Variants in UST observed in about 807,000 individuals in gnomAD.
UST encodes uronyl 2-sulfotransferase.
Under a neutral mutation model 45.6 loss-of-function variants are expected in UST, and 21 were observed. The ratio of observed to expected loss-of-function variants is 0.46; its 90% CI spans 0.33 to 0.66. The LOEUF is 0.66. UST is among the 30% of genes least tolerant of loss of function. The probability of loss-of-function intolerance (pLI) is 0.02; values close to 1 mark genes in which losing one functional copy is unlikely to be tolerated. For missense variants in UST, 463 were observed against 512.4 expected (o/e 0.90, Z 0.93); for synonymous variants, 215 against 200.6 (o/e 1.07, Z -0.61).
At position 149,003,564 on chromosome 6, in the gene UST, T is replaced by C. The variant is rs747281316; in HGVS notation, c.682-15575T>C. 1.6e-4 allele frequency among the ~76,000 whole-genome samples: 25 copies of C among 152,308 alleles called. No homozygotes were observed. The Middle Eastern group carries it at 0.01, about 62-fold the overall frequency. On this transcript the variant is annotated intron_variant, in intron 5 of 7. Transcript: ENST00000367463. Reference sequence around the variant, plus strand: ...GACATCATAGACAGAAGGAAAATGATTGTTAGCCAAAAACACTATAATGGT... The same window carrying C: ...GACATCATAGACAGAAGGAAAATGACTGTTAGCCAAAAACACTATAATGGT...
At chr6:148,936,438 A>ACT (rs1780027743) in intron 2 of UST, among the ~76,000 whole-genome samples, 1 of 152,064 alleles carries the variant, frequency 6.6e-6, no homozygotes, top group Non-Finnish European at 1.5e-5. Context: ...GATAATTTAC[A>ACT]CTCTTAGAGA....
intron 2 of UST, among the ~76,000 whole-genome samples, chr6:148,889,359 G>A (rs1778970229): frequency 6.6e-6 from 1 of 152,202 alleles, no homozygotes. Context: ...ATTTATTAAT[G>A]TAATGATGAC....
chr6:148,899,252 A>C (rs1779201404), intron 2 of UST, among the ~76,000 whole-genome samples: 1 of 152,006 alleles, frequency 6.6e-6, no homozygotes, highest in Non-Finnish European at 1.5e-5. Flanking sequence ...GGCACCCGCC[A>C]CTACGCCCAG....
chr6:148,855,253 T>C (rs961752311), intron 1 of UST, among the ~76,000 whole-genome samples: 10 of 152,164 alleles, frequency 6.6e-5, no homozygotes, highest in African/African-American at 2.2e-4. Flanking sequence ...TCTTTCCTGG[T>C]TTTTACCCAG....
intron 1 of UST, among the ~76,000 whole-genome samples, chr6:148,875,316 A>G (rs979153174): frequency 2.6e-5 from 4 of 152,254 alleles, no homozygotes; most frequent in Non-Finnish European, 2.9e-5. Context: ...GTTCATTTGC[A>G]TATTGTTAAG....
At chr6:149,017,161 A>C (rs1017635852) in intron 5 of UST, among the ~76,000 whole-genome samples, 36 of 152,330 alleles carry the variant, frequency 2.4e-4, no homozygotes, top group African/African-American at 8.4e-4. Context: ...GCGGATCATG[A>C]GGTCAGGAGA....
chr6:148,847,207 G>C (rs1778007392), intron 1 of UST, among the ~76,000 whole-genome samples: 1 of 152,210 alleles, frequency 6.6e-6, no homozygotes, highest in Non-Finnish European at 1.5e-5. Flanking sequence ...ATTATCTCCA[G>C]GTTCCTGTGG....
At chr6:148,871,116 C>CT (rs1491514961) in intron 1 of UST, among the ~76,000 whole-genome samples, 145 of 142,096 alleles carry the variant, frequency 1.0e-3, no homozygotes, top group Middle Eastern at 7.0e-3. Context: ...AGCATTCTCT[C>CT]CCTCTCTCTC....
chr6:149,017,152 C>T (rs1225299494), intron 5 of UST, among the ~76,000 whole-genome samples: 1 of 152,082 alleles, frequency 6.6e-6, no homozygotes, highest in African/African-American at 2.4e-5. Context: ...CCGAGGCGGG[C>T]GGATCATGAG....
intron 5 of UST, among the ~76,000 whole-genome samples, chr6:148,970,928 G>T (rs1324549731): frequency 1.3e-5 from 2 of 152,182 alleles, no homozygotes; most frequent in Non-Finnish European, 2.9e-5. Context: ...CCCTCTCAAG[G>T]TCTGTAACCG....
intron 2 of UST, among the ~76,000 whole-genome samples, chr6:148,894,499 A>G (rs1383808782): frequency 6.6e-6 from 1 of 152,176 alleles, no homozygotes; most frequent in Non-Finnish European, 1.5e-5. Flanking sequence ...TACACCAAGG[A>G]TGGCTGGCAG....
Position 148,747,648 on chromosome 6 carries a change from G to C in UST, c.218G>C (p.Arg73Pro), listed in dbSNP as rs1289382438. The change falls in exon 1 of 8, where the codon CGC (arginine) becomes CCC (proline). Residue 73 changes from arginine to proline, a missense_variant. Coordinates refer to ENST00000367463, the MANE Select transcript of UST (RefSeq NM_005715.3). ...TATCAGCTCAGCGGGGGACCCCCTC[G>C]CTTCCTGCTCGACCTGCGGCAGTAC... ...LLYQLSGGPPRFLLDLRQYLG... is the reference protein window; with the variant it reads ...LLYQLSGGPPPFLLDLRQYLG... 2 of 1,598,720 alleles carry C rather than the reference G, an allele frequency of 1.3e-6. No individual in the cohort carries two copies. Among genetic ancestry groups the C allele is most frequent in the Non-Finnish European group, 1.7e-6 (2 of 1,174,216 alleles).
Position 148,996,747 on chromosome 6 carries a change from C to T in UST, c.682-22392C>T, listed in dbSNP as rs140559763. Among the ~76,000 whole-genome samples, 284 of 152,240 alleles carry T rather than the reference C, an allele frequency of 1.9e-3. 1 individual carries two copies. Among genetic ancestry groups the T allele is most frequent in the African/African-American group, 6.5e-3 (269 of 41,542 alleles). On this transcript the variant is annotated intron_variant, in intron 5 of 7. Coordinates refer to ENST00000367463, the MANE Select transcript of UST (RefSeq NM_005715.3). ...ATTCTGTTTTAGTAGTTCTTCATTT[C>T]AGTACTTATGTGTGTAGAAGTTATT...
rs1317803424 is a variant in UST at position 148,748,980 on chromosome 6, C to G, written c.247+1303C>G. Among the ~76,000 whole-genome samples, 1 of 151,122 alleles carries G rather than the reference C, an allele frequency of 6.6e-6. No individual in the cohort carries two copies. Among genetic ancestry groups the G allele is most frequent in the East Asian group, 1.9e-4 (1 of 5,192 alleles). On this transcript the variant is annotated intron_variant, in intron 1 of 7. Transcript: ENST00000367463. The surrounding 1 kb of genome is among the most constrained non-coding windows in gnomAD (Gnocchi z 5.3). ...AAACAAAGCAAAACAAAAACAAAAC[C>G]ACATCAGCCAAGTTACAAATGTGTT... is the stretch of plus-strand genomic sequence containing the variant.
intron 6 of UST, among the ~76,000 whole-genome samples, chr6:149,020,597 CT>C (rs1775963486): frequency 6.6e-6 from 1 of 152,174 alleles, no homozygotes; most frequent in South Asian, 2.1e-4. Context: ...TACAACAATG[CT>C]TTGAACTAGG....
In UST at chr6:148,991,056, A is replaced by G. The variant is rs548758160; in HGVS notation, c.681+26493A>G. ...CAGGTAGTAAACAGACAGATAATTA[A>G]TATATATCAGGTGGTGACCGAAAGC... On this transcript the variant is annotated intron_variant, in intron 5 of 7. Coordinates refer to ENST00000367463, the MANE Select transcript of UST (RefSeq NM_005715.3). 2.6e-5 allele frequency among the ~76,000 whole-genome samples: 4 copies of G among 152,308 alleles called. No individual in the cohort carries two copies. In the South Asian group the frequency reaches 8.3e-4, roughly 32 times the overall value.
chr6:148,791,239 C>T (rs769931932), intron 1 of UST, among the ~76,000 whole-genome samples: 11 of 152,126 alleles, frequency 7.2e-5, no homozygotes, highest in Non-Finnish European at 1.6e-4. Context: ...CCCGCAGGAA[C>T]AATTATCTGG....
intron 1 of UST, among the ~76,000 whole-genome samples, chr6:148,877,102 A>G (rs1190572216): frequency 3.8e-4 from 5 of 13,172 alleles, no homozygotes; most frequent in Non-Finnish European, 5.2e-4. Flanking sequence ...GTGTATGAGT[A>G]GGGGGGTCAT....
At chr6:148,992,426 G>A (rs967702461) in intron 5 of UST, among the ~76,000 whole-genome samples, 1 of 152,136 alleles carries the variant, frequency 6.6e-6, no homozygotes, top group Admixed American at 6.5e-5. Context: ...CCGAGATCGC[G>A]CCACTGCACT....
Sources: gnomAD v4.1 joint callset for allele counts (sites outside exome capture counted in the v4.1 genomes callset) on GRCh38, gnomAD v4.1.1 for gene constraint, Gnocchi (gnomAD v3.1) non-coding constraint, MANE v1.5 for transcripts, NCBI Gene and HGNC (gene_info 2026-07-23, HGNC 2026-07-21) for gene names.